ROBO2: variants seen among roughly 807,000 people sequenced by gnomAD.
ROBO2 encodes the protein roundabout guidance receptor 2, also known as roundabout homolog 2.
Under a neutral mutation model 160.8 loss-of-function variants are expected in ROBO2, and 53 were observed. The observed-to-expected ratio is 0.33, with a 90% confidence interval of 0.26 to 0.41. The LOEUF is 0.41. Ranked by LOEUF, ROBO2 falls within the 10% of genes least tolerant of loss-of-function variation. ROBO2 has a pLI of 1.00. For synonymous variants in ROBO2, 664 were observed against 611.7 expected (o/e 1.09, Z -1.26); for missense variants, 1,577 against 1,722.4 (o/e 0.92, Z 1.49).
chr3:77,173,674 G>A (rs900658779), intron 2 of ROBO2, among the ~76,000 whole-genome samples: 1 of 151,708 alleles, frequency 6.6e-6, no homozygotes, highest in Non-Finnish European at 1.5e-5. Context: ...TTTATTCTAA[G>A]GCATTATTCA....
chr3:76,246,675 A>G (rs539456403), intron 2 of ROBO2, among the ~76,000 whole-genome samples: 9 of 152,256 alleles, frequency 5.9e-5, no homozygotes, highest in African/African-American at 2.2e-4. Flanking sequence ...ACCCAACTAG[A>G]AAAGGATTTA....
chr3:76,293,704 C>T (rs925518292), intron 2 of ROBO2, among the ~76,000 whole-genome samples: 10 of 152,194 alleles, frequency 6.6e-5, no homozygotes, highest in African/African-American at 2.4e-4. Flanking sequence ...ATAGAATCAA[C>T]CCTTCTAAAG....
At chr3:76,017,027 A>G (rs2107644249) in intron 2 of ROBO2, among the ~76,000 whole-genome samples, 1 of 152,332 alleles carries the variant, frequency 6.6e-6, no homozygotes, top group South Asian at 2.1e-4. Context: ...TGTGTTTTGC[A>G]TAAACAACTG....
intron 2 of ROBO2, among the ~76,000 whole-genome samples, chr3:76,036,704 A>G (rs1006484951): frequency 6.6e-6 from 1 of 150,728 alleles, no homozygotes; most frequent in African/African-American, 2.5e-5. Flanking sequence ...GGATTTCTCC[A>G]TGTTGGTGAG....
chr3:76,901,228 AC>A (rs2075202884), intron 2 of ROBO2, among the ~76,000 whole-genome samples: 4 of 151,424 alleles, frequency 2.6e-5, no homozygotes. Context: ...TATAGAATAT[AC>A]CCCCACATAA....
intron 2 of ROBO2, among the ~76,000 whole-genome samples, chr3:77,263,838 C>T (rs1007194159): frequency 3.3e-5 from 5 of 152,164 alleles, no homozygotes; most frequent in Non-Finnish European, 5.9e-5. Context: ...CTATGAACCA[C>T]TCAAAATACT....
chr3:76,905,272 G>T (rs891113514), intron 2 of ROBO2, among the ~76,000 whole-genome samples: 1 of 152,194 alleles, frequency 6.6e-6, no homozygotes, highest in African/African-American at 2.4e-5. Context: ...TCAGAAAGGG[G>T]AGGCGTTATA....
intron 2 of ROBO2, among the ~76,000 whole-genome samples, chr3:76,032,709 G>A (rs140827997): frequency 5.8e-4 from 88 of 152,250 alleles, no homozygotes; most frequent in African/African-American, 2.0e-3. Context: ...TGATTGCATT[G>A]TGGTCTTAGA....
intron 2 of ROBO2, among the ~76,000 whole-genome samples, chr3:76,578,129 C>A (rs1226740606): frequency 1.3e-5 from 2 of 152,100 alleles, no homozygotes; most frequent in African/African-American, 4.8e-5. Context: ...CTGTCCATGC[C>A]CCAATTTCTT....
chr3:76,723,081 T>C (rs2093490533), intron 2 of ROBO2, among the ~76,000 whole-genome samples: 1 of 152,112 alleles, frequency 6.6e-6, no homozygotes, highest in African/African-American at 2.4e-5. Flanking sequence ...AAGGTGAAAA[T>C]ATATAAATGT....
chr3:77,090,323 C>CTTTTTTTTTTTTT (rs542280937), intron 1 of ROBO2, among the ~76,000 whole-genome samples: 1 of 70,748 alleles, frequency 1.4e-5, no homozygotes, highest in Admixed American at 1.8e-4. Flanking sequence ...CTAAACCACT[C>CTTTTTTTTTTTTT]TTTTTTTTTT....
chr3:77,285,487 G>A (rs767867518), intron 2 of ROBO2, among the ~76,000 whole-genome samples: 9 of 152,118 alleles, frequency 5.9e-5, no homozygotes, highest in Admixed American at 3.3e-4. Context: ...ATACATGTAA[G>A]AAAATGGGAC....
At chr3:76,308,626 T>G (rs1266466456) in intron 2 of ROBO2, among the ~76,000 whole-genome samples, 1 of 152,156 alleles carries the variant, frequency 6.6e-6, no homozygotes, top group Non-Finnish European at 1.5e-5. Flanking sequence ...GATTGTACTC[T>G]TGTTTATTCC....
intron 2 of ROBO2, among the ~76,000 whole-genome samples, chr3:76,661,317 A>C (rs1347984852): frequency 6.6e-6 from 1 of 152,228 alleles, no homozygotes; most frequent in East Asian, 1.9e-4. Flanking sequence ...TCTAGGTCAC[A>C]ATCACTAGAT....
chr3:76,798,308 G>GAA (rs1553909509), intron 2 of ROBO2, among the ~76,000 whole-genome samples: 2 of 149,348 alleles, frequency 1.3e-5, no homozygotes, highest in Non-Finnish European at 3.0e-5. Context: ...AAGAAAGAAA[G>GAA]AAAGAAAAAA....
chr3:76,453,003 C>T (rs1314067149), intron 2 of ROBO2, among the ~76,000 whole-genome samples: 1 of 152,038 alleles, frequency 6.6e-6, no homozygotes, highest in African/African-American at 2.4e-5. Context: ...ATGTCCTTTG[C>T]CCACTTTTTG....
chr3:76,020,703 A>G (rs778066682), intron 2 of ROBO2, among the ~76,000 whole-genome samples: 1 of 151,350 alleles, frequency 6.6e-6, no homozygotes, highest in Non-Finnish European at 1.5e-5. Flanking sequence ...TTTCACACAG[A>G]CTCTGTGGTT....
chr3:76,779,432 G>T (rs564521730), intron 2 of ROBO2, among the ~76,000 whole-genome samples: 1 of 151,006 alleles, frequency 6.6e-6, no homozygotes, highest in African/African-American at 2.4e-5. Context: ...TAGGCACTGT[G>T]CTAGTAGTAG....
intron 2 of ROBO2, among the ~76,000 whole-genome samples, chr3:76,750,313 A>G (rs78362000): frequency 0.17 from 25,389 of 152,048 alleles, 2,484 homozygotes; most frequent in Non-Finnish European, 0.22. Context: ...AATGAGAGCT[A>G]TTTATGACAA....
Sources: allele counts gnomAD v4.1 joint callset (sites outside exome capture counted in the v4.1 genomes callset), GRCh38; gene constraint gnomAD v4.1.1; transcripts MANE v1.5; gene names NCBI Gene and HGNC (gene_info 2026-07-23, HGNC 2026-07-21).